The following KCNH7 variants were observed in gnomAD, a reference collection of about 807,000 sequenced individuals.
The protein encoded by KCNH7 is potassium voltage-gated channel subfamily H member 7.
In KCNH7, 49 loss-of-function variants were observed where a neutral mutation model predicts 120.8. The ratio of observed to expected loss-of-function variants is 0.41; its 90% confidence interval spans 0.32 to 0.51. The LOEUF (loss-of-function observed/expected upper bound fraction) is 0.51. Among genes scored for constraint, KCNH7 ranks in the 20% least tolerant of loss-of-function variants. KCNH7 has a pLI of 0.38. For synonymous variants in KCNH7, 547 were observed against 516.1 expected (o/e 1.06, Z -0.81); for missense variants, 1,097 against 1,446.6 (o/e 0.76, Z 3.92).
chr2:162,708,102 T>C (rs1016897107), intron 2 of KCNH7, among the ~76,000 whole-genome samples: 1 of 152,090 alleles, frequency 6.6e-6, no homozygotes, highest in Non-Finnish European at 1.5e-5. Context: ...CCTTCTACAA[T>C]GTAATACCCA....
At chr2:162,571,719 C>G (rs1411280079) in intron 2 of KCNH7, among the ~76,000 whole-genome samples, 2 of 132,208 alleles carry the variant, frequency 1.5e-5, no homozygotes, top group South Asian at 2.6e-4. Context: ...TGGAACAGAA[C>G]AGAGCCCTCA....
At chr2:162,475,916 C>G (rs750181338) in intron 6 of KCNH7, among the ~76,000 whole-genome samples, 28 of 152,280 alleles carry the variant, frequency 1.8e-4, no homozygotes, top group Non-Finnish European at 3.8e-4. Context: ...ATTGCTGGTG[C>G]TTATCTGGTG....
chr2:162,739,301 A>G (rs1295652310), intron 2 of KCNH7, among the ~76,000 whole-genome samples: 2 of 152,154 alleles, frequency 1.3e-5, no homozygotes. Flanking sequence ...CTAAATGGCC[A>G]AGGACTACCT....
At chr2:162,521,911 C>G (rs757121159) in intron 3 of KCNH7, among the ~76,000 whole-genome samples, 17 of 151,826 alleles carry the variant, frequency 1.1e-4, no homozygotes, top group Non-Finnish European at 2.5e-4. Flanking sequence ...CACCCCGTAC[C>G]CTGCTACCCT....
At chr2:162,588,487 G>C (rs1694095341) in intron 2 of KCNH7, among the ~76,000 whole-genome samples, 1 of 152,082 alleles carries the variant, frequency 6.6e-6, no homozygotes, top group African/African-American at 2.4e-5. Flanking sequence ...GTCAAGTGGA[G>C]ATGTGTGTAA....
At chr2:162,480,462 C>A (rs759261863) in intron 6 of KCNH7, among the ~76,000 whole-genome samples, 74 of 152,260 alleles carry the variant, frequency 4.9e-4, no homozygotes, top group Admixed American at 1.4e-3. Context: ...TAAAGCATAT[C>A]TTTCCTTTCT....
In KCNH7 at chr2:162,710,126, CT is replaced by C. The variant is rs1172673288; in HGVS notation, c.307+126410del. 6.6e-5 allele frequency among the ~76,000 whole-genome samples: 10 copies of C among 152,116 alleles called. No homozygotes were observed. In the East Asian group the frequency reaches 1.9e-3, roughly 29 times the overall value. On this transcript the variant is annotated intron_variant, in intron 2 of 15. Transcript: ENST00000332142. ...CAGAGATGGTCAGATGTTAAAATAG[CT>C]TTGCTCCATATCGTATGAAATAAAT... is the stretch of plus-strand genomic sequence containing the variant.
intron 3 of KCNH7, among the ~76,000 whole-genome samples, chr2:162,525,107 G>A (rs1013572574): frequency 9.9e-5 from 15 of 151,892 alleles, no homozygotes; most frequent in African/African-American, 3.6e-4. Context: ...CTTTAAAGGA[G>A]CAGATCCGAT....
rs79234681 is a variant in KCNH7, at chr2:162,481,526, C to A, written c.1128+22917G>T. On this transcript the variant is annotated intron_variant, in intron 6 of 15. Transcript: ENST00000332142. The stretch of plus-strand genomic sequence containing the variant: ...ACAATTCAGTTCAGGATGGTCTTAT[C>A]TAAGATGTTCTATCCAGCACAGTGT... Among the ~76,000 whole-genome samples the A allele has an allele frequency of 5.7e-3, 865 of 152,244 alleles. 5 individuals carry two copies. Among genetic ancestry groups the A allele is most frequent in the Non-Finnish European group, 8.1e-3 (549 of 68,012 alleles).
chr2:162,429,503 T>C lies in KCNH7; in HGVS notation c.1954+5695A>G, dbSNP rs377449724. 4.8e-4 allele frequency among the ~76,000 whole-genome samples: 72 copies of C among 151,438 alleles called. 2 individuals carry two copies. In the East Asian group the frequency reaches 0.013, roughly 27 times the overall value. ...TTAACCTGAAGAACTTTATCATTTC[T>C]TGTAGACTGCTCATGAAGAATTATG... On this transcript the variant is annotated intron_variant, in intron 8 of 15. Coordinates refer to ENST00000332142, the MANE Select transcript of KCNH7 (RefSeq NM_033272.4).
At chr2:162,799,631 T>C (rs1684270155) in intron 2 of KCNH7, among the ~76,000 whole-genome samples, 1 of 152,028 alleles carries the variant, frequency 6.6e-6, no homozygotes, top group African/African-American at 2.4e-5. Context: ...AGTACATATA[T>C]GATCAAGCTC....
At chr2:162,666,902 C>A (rs1289552636) in intron 2 of KCNH7, among the ~76,000 whole-genome samples, 1 of 152,048 alleles carries the variant, frequency 6.6e-6, no homozygotes, top group Non-Finnish European at 1.5e-5. Flanking sequence ...ACTGCCATGT[C>A]CTCTGACTTT....
intron 2 of KCNH7, among the ~76,000 whole-genome samples, chr2:162,669,645 AT>A (rs1685268884): frequency 6.6e-6 from 1 of 152,212 alleles, no homozygotes; most frequent in Admixed American, 6.5e-5. Flanking sequence ...ATTTGGTAAT[AT>A]CTAGAACATT....
chr2:162,770,483 T>C (rs1348469254), intron 2 of KCNH7, among the ~76,000 whole-genome samples: 1 of 151,938 alleles, frequency 6.6e-6, no homozygotes, highest in Non-Finnish European at 1.5e-5. Context: ...GCTTTCAGAT[T>C]GTACGCTTTG....
At chr2:162,717,917 A>AT (rs1687185120) in intron 2 of KCNH7, among the ~76,000 whole-genome samples, 1 of 152,074 alleles carries the variant, frequency 6.6e-6, no homozygotes, top group Non-Finnish European at 1.5e-5. Context: ...GGACACCTAT[A>AT]TTTTATTTTA....
intron 8 of KCNH7, among the ~76,000 whole-genome samples, chr2:162,428,583 T>C (rs940560114): frequency 1.3e-5 from 2 of 151,920 alleles, no homozygotes; most frequent in African/African-American, 4.8e-5. Flanking sequence ...TTTTTATTCA[T>C]TTGGTCTATT....
At chr2:162,467,454 G>T (rs920387618) in intron 6 of KCNH7, among the ~76,000 whole-genome samples, 2 of 152,162 alleles carry the variant, frequency 1.3e-5, no homozygotes, top group South Asian at 2.1e-4. Flanking sequence ...AGGGCTGGTT[G>T]TTCAAGAGGC....
intron 8 of KCNH7, among the ~76,000 whole-genome samples, chr2:162,424,074 C>A (rs1296239221): frequency 2.0e-5 from 3 of 152,104 alleles, no homozygotes; most frequent in Admixed American, 2.0e-4. Flanking sequence ...TAAGGGATAG[C>A]AAATTCTTTT....
At chr2:162,772,977 C>A (rs1386959483) in intron 2 of KCNH7, among the ~76,000 whole-genome samples, 3 of 152,204 alleles carry the variant, frequency 2.0e-5, no homozygotes, top group Non-Finnish European at 4.4e-5. Context: ...AAGCTTTGCA[C>A]CCATCTTTTC....
Sources: gnomAD v4.1 joint callset for allele counts (sites outside exome capture counted in the v4.1 genomes callset) on GRCh38, gnomAD v4.1.1 for gene constraint, MANE v1.5 for transcripts, NCBI Gene and HGNC (gene_info 2026-07-23, HGNC 2026-07-21) for gene names.